The following HECTD4 variants were observed in gnomAD, a reference collection of about 807,000 sequenced individuals.
HECTD4 encodes the protein HECT domain E3 ubiquitin protein ligase 4.
In HECTD4, 114 loss-of-function variants were observed where a neutral mutation model predicts 471.5. The observed-to-expected ratio is 0.24, with a 90% CI of 0.21 to 0.28. The LOEUF is 0.28. Ranked by LOEUF, HECTD4 falls within the 10% of genes least tolerant of loss-of-function variation. The pLI is 1.00. For synonymous variants in HECTD4, 2,012 were observed against 2,256.0 expected (o/e 0.89, Z 3.07); for missense variants, 3,866 against 5,651.5 (o/e 0.68, Z 10.13).
intron 65 of HECTD4, among the ~76,000 whole-genome samples, chr12:112,176,317 T>C (rs1271069922): frequency 6.6e-6 from 1 of 152,246 alleles, no homozygotes; most frequent in African/African-American, 2.4e-5. Context: ...ATCTGTTCTT[T>C]ATCCTGGGCA....
At position 112,192,634 on chromosome 12, in the gene HECTD4, C is replaced by G; in HGVS notation, c.9218G>C (p.Gly3073Ala). ...YPRDASPANT[G>A]LAPPPTADQY... ...GTCAGCGGTGGGGGGAGGTGCAAGC[C>G]CAGTGTTGGCTGGGGACGCGTCCCG... Residue 3073 changes from glycine to alanine, a missense_variant, in exon 59 of 76, where the codon GGG becomes GCG. By Grantham distance (60) the Gly-to-Ala change is moderately conservative (BLOSUM62 0). This residue lies in a region of HECTD4 where 364 missense variants were observed against 413.2 expected (regional missense o/e 0.88). Transcript: ENST00000682272. The G allele has an allele frequency of 6.2e-7, 1 of 1,609,670 alleles. No homozygotes were observed. The highest frequency in any genetic ancestry group is 8.5e-7 in the Non-Finnish European group (1 of 1,178,438).
chr12:112,250,570 C>T (rs541271179), intron 24 of HECTD4, among the ~76,000 whole-genome samples, 193 bp from the exon 25 acceptor site: 1 of 152,164 alleles, frequency 6.6e-6, no homozygotes, highest in South Asian at 2.1e-4. Flanking sequence ...CTAGCTCCCC[C>T]CCAATATTTA....
chr12:112,279,811 T>A (rs917500722), intron 8 of HECTD4, among the ~76,000 whole-genome samples: 3 of 152,204 alleles, frequency 2.0e-5, no homozygotes, highest in African/African-American at 7.2e-5. Context: ...GATTTCAGAT[T>A]TTTTCAGAAT....
chr12:112,219,515 T>C, intron 44 of HECTD4, 26 bp from the exon 45 acceptor site: 1 of 1,547,420 alleles, frequency 6.5e-7, no homozygotes, highest in Non-Finnish European at 8.9e-7. Context: ...GTTGAATCTG[T>C]GAAAACAACT....
intron 1 of HECTD4, among the ~76,000 whole-genome samples, chr12:112,372,722 C>T (rs1317973376): frequency 6.6e-6 from 1 of 152,010 alleles, no homozygotes; most frequent in Non-Finnish European, 1.5e-5. Flanking sequence ...AGCCACCACA[C>T]TCAGCCCACA....
At chr12:112,252,568 C>G (rs375694491) in intron 22 of HECTD4, 40 bp from the exon 23 acceptor site, 10 of 1,584,000 alleles carry the variant, frequency 6.3e-6, no homozygotes, top group Admixed American at 5.6e-5. Context: ...ACTTTAAAAA[C>G]AAGATACACA....
intron 25 of HECTD4, 51 bp downstream of exon 25, chr12:112,250,093 T>TTA (rs763387597): frequency 3.2e-5 from 43 of 1,324,240 alleles, no homozygotes; most frequent in Non-Finnish European, 2.5e-5. Context: ...TTTCAATTGT[T>TTA]TAAACTTTTT....
At chr12:112,212,112 G>A (rs1018667377) in intron 49 of HECTD4, among the ~76,000 whole-genome samples, 9 of 152,154 alleles carry the variant, frequency 5.9e-5, no homozygotes, top group African/African-American at 1.7e-4. Context: ...AATCTTTACC[G>A]AAGGTTCTCT....
chr12:112,187,327 G>A (rs1396537257), intron 60 of HECTD4, among the ~76,000 whole-genome samples: 2 of 152,168 alleles, frequency 1.3e-5, no homozygotes, highest in Admixed American at 6.6e-5. Context: ...GCCTTTGACA[G>A]GGAACAGCAT....
intron 60 of HECTD4, among the ~76,000 whole-genome samples, chr12:112,186,074 G>T (rs1447753481): frequency 6.6e-6 from 1 of 151,894 alleles, no homozygotes; most frequent in African/African-American, 2.4e-5. Context: ...TTGCTCCTAG[G>T]CTCAAGTGAT....
At chr12:112,201,172 C>A in intron 54 of HECTD4, 1 of 429,026 alleles carries the variant, frequency 2.3e-6, no homozygotes, top group Admixed American at 2.6e-5. Flanking sequence ...CGGCACACTG[C>A]AGTCTCTGCC....
rs1209526079 is a variant in HECTD4 at position 112,256,228 on chromosome 12, CA to C, written c.3327+91del. On this transcript the variant is annotated intron_variant, in intron 21 of 75. Coordinates refer to ENST00000682272, the MANE Select transcript of HECTD4 (RefSeq NM_001388303.1). ...GAGATATCTGCAGACAGAAATCAGT[CA>C]AGAATGGTGACCAGCAGCAAAGAAA... 2.8e-5 allele frequency: 27 copies of C among 954,642 alleles called. No homozygotes were observed. In the Admixed American group the frequency reaches 5.0e-4, roughly 18 times the overall value. The allele number at this position is 954,642 out of a possible 1,614,324, so 59.1% of individuals were successfully genotyped here.
At chr12:112,251,558 C>G (rs1010934132) in intron 23 of HECTD4, among the ~76,000 whole-genome samples, 21 of 152,184 alleles carry the variant, frequency 1.4e-4, no homozygotes, top group Non-Finnish European at 4.4e-5. Context: ...TGGGTGTCCT[C>G]TGTGTGCCAG....
chr12:112,225,327 C>CAAAA (rs201230586), intron 44 of HECTD4, among the ~76,000 whole-genome samples: 1 of 61,310 alleles, frequency 1.6e-5, no homozygotes, highest in African/African-American at 5.5e-5. Flanking sequence ...TTTAAAAGAC[C>CAAAA]AAAAAAAAAA....
At position 112,173,447 on chromosome 12, in the gene HECTD4, T is replaced by C. The variant is rs997409139; in HGVS notation, c.11595-586A>G. ...CTCTATCGCCCAGGCTGGAGTGCAG[T>C]GGTGCGATCTCAGCTCACTGCAAGC... On this transcript the variant is annotated intron_variant, in intron 66 of 75. Transcript: ENST00000682272. This position sits in a 1 kb window ranked among gnomAD's most constrained non-coding sequence, Gnocchi z 4.3. Among the ~76,000 whole-genome samples the C allele has an allele frequency of 6.6e-6, 1 of 152,126 alleles. No homozygotes were observed. Among genetic ancestry groups the C allele is most frequent in the African/African-American group, 2.4e-5 (1 of 41,436 alleles).
intron 48 of HECTD4, among the ~76,000 whole-genome samples, chr12:112,215,550 T>C (rs2032895007): frequency 6.6e-6 from 1 of 152,210 alleles, no homozygotes; most frequent in Non-Finnish European, 1.5e-5. Flanking sequence ...TTTATTGAGT[T>C]GACTGTCTAT....
intron 22 of HECTD4, 145 bp from the exon 23 acceptor site, chr12:112,252,673 T>TTTG: frequency 1.0e-6 from 1 of 952,714 alleles, no homozygotes; most frequent in Non-Finnish European, 1.5e-6. Flanking sequence ...ATTCAAATTC[T>TTTG]ATTCCCTCTC....
intron 7 of HECTD4, among the ~76,000 whole-genome samples, chr12:112,305,506 T>C (rs914685026): frequency 1.3e-4 from 20 of 152,192 alleles, no homozygotes; most frequent in African/African-American, 4.6e-4. Context: ...GTGCGCTTAT[T>C]TGCTCACTTG....
At chr12:112,315,380 C>T (rs1300328680) in intron 2 of HECTD4, among the ~76,000 whole-genome samples, 1 of 152,146 alleles carries the variant, frequency 6.6e-6, no homozygotes, top group Non-Finnish European at 1.5e-5. Flanking sequence ...ACCAAGTAGG[C>T]CTAGAGTCTT....
Sources: gnomAD v4.1 joint callset for allele counts (sites outside exome capture counted in the v4.1 genomes callset) on GRCh38, gnomAD v4.1.1 for gene constraint, gnomAD v4.1.1 regional missense constraint, Gnocchi (gnomAD v3.1) non-coding constraint, MANE v1.5 for transcripts, NCBI Gene and HGNC (gene_info 2026-07-23, HGNC 2026-07-21) for gene names.